Variants in WEE2 observed in about 807,000 individuals in gnomAD.
WEE2 encodes the protein WEE2 oocyte meiosis inhibiting kinase.
Under a neutral mutation model 60.1 loss-of-function variants are expected in WEE2, and 50 were observed. That is an observed-to-expected ratio of 0.83 (90% CI 0.66 to 1.05). The LOEUF is 1.05. Ranked by LOEUF, WEE2 falls within the 50% of genes least tolerant of loss-of-function variation. The probability of loss-of-function intolerance (pLI) is 0.00; values close to 1 mark genes in which losing one functional copy is unlikely to be tolerated. For synonymous variants in WEE2, 240 were observed against 241.0 expected (o/e 1.00, Z 0.04); for missense variants, 631 against 684.3 (o/e 0.92, Z 0.87).
chr7:141,724,045 A>G lies in WEE2; in HGVS notation c.1132A>G (p.Ile378Val), dbSNP rs755545031. Residue 378 changes from isoleucine to valine, a missense_variant, in exon 7 of 12, where the codon ATT (isoleucine) becomes GTT (valine). By Grantham distance (29) the Ile-to-Val change is conservative. Coordinates refer to ENST00000397541, the MANE Select transcript of WEE2 (RefSeq NM_001105558.1). ...WFLSANVMYK[I>V]GDLGHATSIN... ...TCTCTCTGCCAATGTGATGTATAAAATTGGTTAGTCTGCCTTATAGCCTTA... is the reference window on the plus strand; with the variant it reads ...TCTCTCTGCCAATGTGATGTATAAAGTTGGTTAGTCTGCCTTATAGCCTTA... 4.3e-6 allele frequency: 7 copies of G among 1,611,654 alleles called. No homozygotes were observed. The East Asian group carries it at 1.6e-4, about 36-fold the overall frequency.
intron 1 of WEE2, among the ~76,000 whole-genome samples, chr7:141,709,904 G>T (rs1157436594): frequency 6.6e-6 from 1 of 152,106 alleles, no homozygotes; most frequent in African/African-American, 2.4e-5. Context: ...CCTAGGATTG[G>T]TATTAGCTCG....
In WEE2 at chr7:141,721,049, C is replaced by T. The variant is rs759804094; in HGVS notation, c.873C>T (p.Tyr291=). The change falls in exon 5 of 12, where the codon TAC becomes TAT. Residue 291 remains tyrosine, a synonymous_variant. Coordinates refer to ENST00000397541, the MANE Select transcript of WEE2 (RefSeq NM_001105558.1). ...EDDHMIIQNE[Y]CNGGSLQAAI... The stretch of plus-strand genomic sequence containing the variant: ...ACCACATGATCATTCAGAATGAATA[C>T]TGCAATGGTAAGTAGTATATAGATG... 4 of 1,614,160 alleles carry T rather than the reference C, an allele frequency of 2.5e-6. No individual in the cohort carries two copies. The highest frequency in any genetic ancestry group is 3.4e-6 in the Non-Finnish European group (4 of 1,180,010).
At chr7:141,728,975 C>T (rs1799074075) in intron 10 of WEE2, among the ~76,000 whole-genome samples, 1 of 152,236 alleles carries the variant, frequency 6.6e-6, no homozygotes, top group Non-Finnish European at 1.5e-5. Flanking sequence ...TCCTCGAAAT[C>T]AGTCCCTGGT....
At position 141,729,518 on chromosome 7, in the gene WEE2, C is replaced by T. The variant is rs752403920; in HGVS notation, c.1536-13C>T. On this transcript the variant is annotated splice_polypyrimidine_tract_variant and intron_variant, in intron 10 of 11. Transcript: ENST00000397541. Reference sequence around the variant, plus strand: ...GATCAAGTAGCCTTTGCTTTTTCTCCCTCGCACTTCAGGGAACTGAGAGAA... The same window carrying T: ...GATCAAGTAGCCTTTGCTTTTTCTCTCTCGCACTTCAGGGAACTGAGAGAA... 6.8e-6 allele frequency: 11 copies of T among 1,614,144 alleles called. No individual in the cohort carries two copies. Among genetic ancestry groups the T allele is most frequent in the Non-Finnish European group, 7.6e-6 (9 of 1,180,022 alleles).
Position 141,719,234 on chromosome 7 carries a change from T to G in WEE2, c.748T>G (p.Leu250Val), listed in dbSNP as rs1028752980. ...IKRSMKTFTE[L>V]SNENSALHEV... Reference sequence around the variant, plus strand: ...GCGCTCTATGAAAACTTTTACAGAATTATCAAATGAGTGAGTACCTTTGAA... The same window carrying G: ...GCGCTCTATGAAAACTTTTACAGAAGTATCAAATGAGTGAGTACCTTTGAA... The change falls in exon 4 of 12, where the codon TTA (leucine) becomes GTA (valine). Residue 250 changes from leucine to valine, a missense_variant. Transcript: ENST00000397541. 2 of 1,606,886 alleles carry G rather than the reference T, an allele frequency of 1.2e-6. No homozygotes were observed. The highest frequency in any genetic ancestry group is 1.7e-6 in the Non-Finnish European group (2 of 1,176,896).
intron 7 of WEE2, 48 bp downstream of exon 7, chr7:141,724,096 T>A: frequency 6.4e-7 from 1 of 1,571,204 alleles, no homozygotes; most frequent in Non-Finnish European, 8.7e-7. Flanking sequence ...CTATAAAATT[T>A]ATAGTGATGA....
At chr7:141,720,849 A>T in intron 4 of WEE2, 86 bp from the exon 5 acceptor site, 1 of 1,440,946 alleles carries the variant, frequency 6.9e-7, no homozygotes, top group Non-Finnish European at 9.6e-7. Context: ...TGCCATTGCT[A>T]GTAAAGCCTC....
intron 9 of WEE2, 32 bp downstream of exon 9, chr7:141,725,228 C>T: frequency 6.3e-7 from 1 of 1,591,554 alleles, no homozygotes; most frequent in Middle Eastern, 1.7e-4. Context: ...ACAGAAGATG[C>T]AATATCTATT....
At chr7:141,716,363 C>A in intron 3 of WEE2, 96 bp downstream of exon 3, 1 of 1,203,042 alleles carries the variant, frequency 8.3e-7, no homozygotes, top group Non-Finnish European at 1.2e-6. Context: ...CTCCTCCCTC[C>A]TCCCTTCTTC....
At position 141,727,369 on chromosome 7, in the gene WEE2, C is replaced by T. The variant is rs747334898; in HGVS notation, c.1458C>T (p.Leu486=). 1.2e-6 allele frequency: 2 copies of T among 1,614,144 alleles called. No homozygotes were observed. The highest frequency in any genetic ancestry group is 1.7e-6 in the Non-Finnish European group (2 of 1,180,036). ...CAGCTCTGGCCAGAAATACAGTTCTCCGGCCTTCCCTGGGAAAAACAGAAG... is the reference window on the plus strand; with the variant it reads ...CAGCTCTGGCCAGAAATACAGTTCTTCGGCCTTCCCTGGGAAAAACAGAAG... ...SAAALARNTV[L]RPSLGKTEEL... Residue 486 remains leucine (L), a synonymous_variant, in exon 10 of 12, where the codon CTC becomes CTT. Coordinates refer to ENST00000397541, the MANE Select transcript of WEE2 (RefSeq NM_001105558.1).
chr7:141,714,041 T>C (rs933682871), intron 1 of WEE2, 168 bp from the exon 2 acceptor site: 2 of 556,540 alleles, frequency 3.6e-6, no homozygotes, highest in African/African-American at 1.9e-5. Context: ...TGGGATTCTA[T>C]AGTTTTCATA....
chr7:141,728,512 TTACA>T (rs1475328917), intron 10 of WEE2, among the ~76,000 whole-genome samples: 2 of 152,212 alleles, frequency 1.3e-5, no homozygotes, highest in Non-Finnish European at 1.5e-5. Context: ...AGTACTATAC[TTACA>T]TATGTTATTC....
chr7:141,724,286 G>T lies in WEE2; in HGVS notation c.1221+11G>T. ...GAGATTTTGCAAGAGGTATAGATTA[G>T]GGAAATGGAGGGTATTTTATAATCT... On this transcript the variant is annotated intron_variant, in intron 8 of 11. Transcript: ENST00000397541. The T allele has an allele frequency of 6.3e-7, 1 of 1,595,058 alleles. No individual in the cohort carries two copies. Among genetic ancestry groups the T allele is most frequent in the South Asian group, 1.1e-5 (1 of 87,502 alleles).
chr7:141,727,210 C>T, intron 9 of WEE2, 94 bp from the exon 10 acceptor site: 2 of 1,368,874 alleles, frequency 1.5e-6, no homozygotes, highest in Non-Finnish European at 2.0e-6. Flanking sequence ...TTACAAAATC[C>T]ACCAGGAGAA....
At chr7:141,723,565 C>T (rs1227181073) in intron 6 of WEE2, among the ~76,000 whole-genome samples, 1 of 152,164 alleles carries the variant, frequency 6.6e-6, no homozygotes, top group African/African-American at 2.4e-5. Flanking sequence ...CAGCTACATT[C>T]TGATTATGTT....
intron 10 of WEE2, among the ~76,000 whole-genome samples, chr7:141,728,713 T>G (rs1202397707): frequency 1.3e-5 from 2 of 151,794 alleles, no homozygotes; most frequent in African/African-American, 2.4e-5. Flanking sequence ...TACCAGTCTG[T>G]GGCCTGTTAG....
At chr7:141,718,949 A>G (rs2117112386) in intron 3 of WEE2, 123 bp from the exon 4 acceptor site, 2 of 813,420 alleles carry the variant, frequency 2.5e-6, no homozygotes, top group South Asian at 3.8e-5. Flanking sequence ...AGTAGAATTC[A>G]TTGCAGTCAC....
chr7:141,712,114 G>A (rs1798718872), intron 1 of WEE2, among the ~76,000 whole-genome samples: 1 of 151,916 alleles, frequency 6.6e-6, no homozygotes, highest in Admixed American at 6.6e-5. Flanking sequence ...TCATCATATT[G>A]ACTGGGCCTT....
intron 10 of WEE2, chr7:141,727,698 A>G: frequency 2.3e-6 from 1 of 442,018 alleles, no homozygotes; most frequent in Non-Finnish European, 4.0e-6. Flanking sequence ...TGAGGAATAT[A>G]AGGAAATACC....
Sources: gnomAD v4.1 joint callset for allele counts (sites outside exome capture counted in the v4.1 genomes callset) on GRCh38, gnomAD v4.1.1 for gene constraint, MANE v1.5 for transcripts, NCBI Gene and HGNC (gene_info 2026-07-23, HGNC 2026-07-21) for gene names.